The following CRISPLD2 variants were observed in gnomAD, a reference collection of about 807,000 sequenced individuals.
CRISPLD2 encodes the protein cysteine-rich secretory protein LCCL domain-containing 2.
A neutral mutation model predicts 71.1 loss-of-function variants in CRISPLD2; 47 were observed. The observed-to-expected ratio is 0.66, with a 90% CI of 0.52 to 0.84. CRISPLD2 has a LOEUF of 0.84. Among genes scored for constraint, CRISPLD2 ranks in the 40% least tolerant of loss-of-function variants. CRISPLD2 has a pLI of 0.00. For missense variants in CRISPLD2, 830 were observed against 651.1 expected, an observed-to-expected ratio of 1.27 and a Z score of -2.99; for synonymous variants, 317 against 250.1, an observed-to-expected ratio of 1.27 and a Z score of -2.52.
intron 8 of CRISPLD2, among the ~76,000 whole-genome samples, chr16:84,869,259 G>A (rs1266527972): frequency 6.6e-6 from 1 of 152,062 alleles, no homozygotes; most frequent in Non-Finnish European, 1.5e-5. Flanking sequence ...GAACGCATTT[G>A]GTTTTGGCAG....
At chr16:84,862,672 C>CT (rs764630306) in intron 6 of CRISPLD2, among the ~76,000 whole-genome samples, 16,877 of 99,084 alleles carry the variant, frequency 0.17, 2,002 homozygotes, top group African/African-American at 0.25. Flanking sequence ...GTGGCCCAGG[C>CT]TTTTTTTTTT....
At chr16:84,861,660 C>G (rs561590168) in intron 6 of CRISPLD2, among the ~76,000 whole-genome samples, 2 of 152,292 alleles carry the variant, frequency 1.3e-5, no homozygotes, top group Non-Finnish European at 2.9e-5. Context: ...AGGATCAATA[C>G]TTTGCATTCT....
At chr16:84,877,356 C>A in intron 11 of CRISPLD2, 82 bp from the exon 12 acceptor site, 1 of 1,270,112 alleles carries the variant, frequency 7.9e-7, no homozygotes, top group Non-Finnish European at 1.1e-6. Flanking sequence ...CCCTGGTAGT[C>A]TAGTGGCCCA....
intron 8 of CRISPLD2, among the ~76,000 whole-genome samples, chr16:84,871,229 C>G (rs963478606): frequency 8.5e-5 from 13 of 152,090 alleles, no homozygotes; most frequent in African/African-American, 3.1e-4. Flanking sequence ...CTTCCATGAA[C>G]AGCAACACCA....
At chr16:84,897,886 G>C (rs985061110) in intron 14 of CRISPLD2, among the ~76,000 whole-genome samples, 11 of 152,192 alleles carry the variant, frequency 7.2e-5, no homozygotes, top group Non-Finnish European at 1.5e-5. Context: ...CAAAATGCTG[G>C]GATTACAGGC....
chr16:84,837,578 G>A (rs926106190), intron 1 of CRISPLD2, among the ~76,000 whole-genome samples: 3 of 151,554 alleles, frequency 2.0e-5, no homozygotes, highest in East Asian at 1.9e-4. Context: ...CACCACGCCC[G>A]GGTAATTTTT....
chr16:84,880,206 C>T (rs1462678186), intron 12 of CRISPLD2, among the ~76,000 whole-genome samples: 2 of 152,162 alleles, frequency 1.3e-5, no homozygotes, highest in African/African-American at 2.4e-5. Flanking sequence ...GGCAGCCTCA[C>T]AATTCCACAC....
At chr16:84,890,272 T>G (rs980268065) in intron 14 of CRISPLD2, among the ~76,000 whole-genome samples, 3 of 151,766 alleles carry the variant, frequency 2.0e-5, no homozygotes, top group Non-Finnish European at 4.4e-5. Flanking sequence ...GGCAGGAGAA[T>G]GGCGTGAACC....
chr16:84,827,010 A>C (rs1916368466), intron 1 of CRISPLD2, among the ~76,000 whole-genome samples: 1 of 152,046 alleles, frequency 6.6e-6, no homozygotes, highest in Admixed American at 6.5e-5. Flanking sequence ...TTGATGCTTA[A>C]CATACCAGGG....
chr16:84,898,922 G>A (rs373318835), intron 14 of CRISPLD2, among the ~76,000 whole-genome samples: 35 of 152,132 alleles, frequency 2.3e-4, no homozygotes, highest in Non-Finnish European at 3.4e-4. Context: ...TGACTGCACC[G>A]TTGTACTCCT....
At chr16:84,829,717 C>T (rs561064564) in intron 1 of CRISPLD2, among the ~76,000 whole-genome samples, 2 of 152,198 alleles carry the variant, frequency 1.3e-5, no homozygotes, top group African/African-American at 2.4e-5. Flanking sequence ...GTGAATGAAT[C>T]GACATTGTCC....
chr16:84,845,501 C>A (rs551182487), intron 2 of CRISPLD2, among the ~76,000 whole-genome samples: 11 of 152,356 alleles, frequency 7.2e-5, no homozygotes, highest in African/African-American at 2.6e-4. Context: ...TCAGAGGTCA[C>A]TCAGCATGGC....
chr16:84,860,871 C>G (rs1407860827), intron 6 of CRISPLD2, among the ~76,000 whole-genome samples: 1 of 152,186 alleles, frequency 6.6e-6, no homozygotes, highest in African/African-American at 2.4e-5. Context: ...AGATAAGACT[C>G]ACTCATGATA....
intron 11 of CRISPLD2, among the ~76,000 whole-genome samples, chr16:84,874,422 C>G (rs2071501211): frequency 6.6e-6 from 1 of 152,238 alleles, no homozygotes; most frequent in Non-Finnish European, 1.5e-5. Context: ...CTTGCCATCT[C>G]TGGCCCAGCT....
chr16:84,883,511 T>C (rs2071585954), intron 13 of CRISPLD2, among the ~76,000 whole-genome samples: 1 of 152,136 alleles, frequency 6.6e-6, no homozygotes, highest in Non-Finnish European at 1.5e-5. Context: ...CCATCCCACT[T>C]GGTGCTTGGA....
chr16:84,849,287 C>T, intron 3 of CRISPLD2, 98 bp from the exon 4 acceptor site: 1 of 1,253,680 alleles, frequency 8.0e-7, no homozygotes, highest in Non-Finnish European at 1.1e-6. Flanking sequence ...ATTCACCCTC[C>T]TCGGCCTCCC....
At chr16:84,854,596 C>T in intron 5 of CRISPLD2, 133 bp from the exon 6 acceptor site, 1 of 694,608 alleles carries the variant, frequency 1.4e-6, no homozygotes, top group South Asian at 1.7e-5. Flanking sequence ...TTCCCGCTTC[C>T]CACAGCACAC....
chr16:84,888,019 A>AAT (rs1217087695), intron 13 of CRISPLD2, among the ~76,000 whole-genome samples: 1 of 152,206 alleles, frequency 6.6e-6, no homozygotes, highest in Non-Finnish European at 1.5e-5. Flanking sequence ...TTACTGTTAG[A>AAT]ATAAATCACC....
At chr16:84,832,443 A>T (rs1157188537) in intron 1 of CRISPLD2, among the ~76,000 whole-genome samples, 1 of 152,260 alleles carries the variant, frequency 6.6e-6, no homozygotes, top group East Asian at 1.9e-4. Context: ...CGTAGTCCTT[A>T]TATGGCTTTT....
Sources: allele counts gnomAD v4.1 joint callset (sites outside exome capture counted in the v4.1 genomes callset), GRCh38; gene constraint gnomAD v4.1.1; transcripts MANE v1.5; gene names NCBI Gene and HGNC (gene_info 2026-07-23, HGNC 2026-07-21).